Variants in DYRK1A observed in about 807,000 individuals in gnomAD.
The protein encoded by DYRK1A is dual specificity tyrosine-phosphorylation-regulated kinase 1A.
Under a neutral mutation model 79.7 loss-of-function variants are expected in DYRK1A, and 9 were observed. That is an observed-to-expected ratio of 0.11 (90% CI 0.07 to 0.20). DYRK1A has a LOEUF of 0.20. Ranked by LOEUF, DYRK1A falls within the 10% of genes least tolerant of loss-of-function variation. DYRK1A has a pLI of 1.00. For missense variants in DYRK1A, 622 were observed against 956.0 expected (o/e 0.65, Z 4.61); for synonymous variants, 349 against 329.7 (o/e 1.06, Z -0.63).
intron 1 of DYRK1A, among the ~76,000 whole-genome samples, chr21:37,404,418 T>C (rs1569295963): frequency 6.6e-6 from 1 of 152,182 alleles, no homozygotes; most frequent in Non-Finnish European, 1.5e-5. Context: ...CTCTAAGTAA[T>C]CATTCTGTGG....
Position 37,395,383 on chromosome 21 carries a change from A to G in DYRK1A, c.-76-24916A>G, listed in dbSNP as rs549562058. ...GGTGTAAGGATTGTTATTGGGGAGT[A>G]TATATTCAGGGCAGCTTGAATCTGT... On this transcript the variant is annotated intron_variant, in intron 1 of 11. Transcript: ENST00000647188. 3.9e-5 allele frequency among the ~76,000 whole-genome samples: 6 copies of G among 152,254 alleles called. No individual in the cohort carries two copies. In the South Asian group the frequency reaches 1.0e-3, roughly 26 times the overall value.
chr21:37,427,339 ACTG>A (rs1254025170), intron 2 of DYRK1A, among the ~76,000 whole-genome samples: 1 of 152,144 alleles, frequency 6.6e-6, no homozygotes, highest in Non-Finnish European at 1.5e-5. Context: ...CTGGTTTTGA[ACTG>A]CTGAAGACCA....
At chr21:37,370,536 G>A (rs915599004) in intron 1 of DYRK1A, among the ~76,000 whole-genome samples, 1 of 152,070 alleles carries the variant, frequency 6.6e-6, no homozygotes, top group Non-Finnish European at 1.5e-5. Context: ...TCTTTGCTTT[G>A]GCATTAGCTT....
intron 1 of DYRK1A, among the ~76,000 whole-genome samples, chr21:37,405,564 T>G (rs1490997706): frequency 6.6e-6 from 1 of 152,192 alleles, no homozygotes; most frequent in East Asian, 1.9e-4. Context: ...ACTTTTTTAA[T>G]GTGGATCTAG....
intron 2 of DYRK1A, among the ~76,000 whole-genome samples, chr21:37,442,890 A>G (rs1177380884): frequency 6.6e-6 from 1 of 152,190 alleles, no homozygotes; most frequent in African/African-American, 2.4e-5. Context: ...CCTGGAGTGC[A>G]GTGGTGCTTT....
intron 2 of DYRK1A, among the ~76,000 whole-genome samples, chr21:37,458,268 C>CTCTGTGTGTGTGTGTG (rs10635582): frequency 7.7e-6 from 1 of 130,484 alleles, no homozygotes; most frequent in Non-Finnish European, 1.6e-5. Context: ...GGGTAATTTA[C>CTCTGTGTGTGTGTGTG]TGTGTGTGTG....
chr21:37,484,123 T>G (rs1275958879), intron 5 of DYRK1A, among the ~76,000 whole-genome samples: 1 of 152,086 alleles, frequency 6.6e-6, no homozygotes, highest in African/African-American at 2.4e-5. Context: ...AATTGTGAAC[T>G]GTGCATGCGA....
In DYRK1A at chr21:37,524,841, A is replaced by G. The variant is rs987681692; in HGVS notation, c.*12310A>G. The stretch of plus-strand genomic sequence containing the variant: ...TGGTCAGGTGTGGCGGCTCATGCCT[A>G]TAGTCCCAACACTTTGGGAGGCCAA... On this transcript the variant is annotated 3_prime_UTR_variant, in exon 12 of 12. Coordinates refer to ENST00000647188, the MANE Select transcript of DYRK1A (RefSeq NM_001347721.2). 1 of 152,290 alleles carries G rather than the reference A, an allele frequency of 6.6e-6. No homozygotes were observed. The highest frequency in any genetic ancestry group is 1.5e-5 in the Non-Finnish European group (1 of 68,096). 9.4% of individuals were successfully genotyped at this position (152,290 alleles called of 1,614,324 possible).
chr21:37,443,225 C>A (rs1251696464), intron 2 of DYRK1A, among the ~76,000 whole-genome samples: 1 of 152,024 alleles, frequency 6.6e-6, no homozygotes, highest in East Asian at 1.9e-4. Context: ...TCATAACTTA[C>A]TGCAACCTTC....
At chr21:37,510,710 C>T (rs1280615118) in intron 11 of DYRK1A, among the ~76,000 whole-genome samples, 1 of 152,012 alleles carries the variant, frequency 6.6e-6, no homozygotes, top group African/African-American at 2.4e-5. Context: ...TGATCTCCTA[C>T]CATCTTGTGG....
intron 1 of DYRK1A, among the ~76,000 whole-genome samples, chr21:37,369,556 C>T (rs538251619): frequency 6.6e-6 from 1 of 152,340 alleles, no homozygotes; most frequent in East Asian, 1.9e-4. Context: ...TCAATGTCTA[C>T]ACCTAGTTCT....
At chr21:37,378,639 C>T (rs1044158798) in intron 1 of DYRK1A, among the ~76,000 whole-genome samples, 13 of 152,158 alleles carry the variant, frequency 8.5e-5, no homozygotes, top group Admixed American at 1.3e-4. Context: ...AAAGGGGGCT[C>T]TTGTTCTTCT....
intron 2 of DYRK1A, among the ~76,000 whole-genome samples, chr21:37,448,884 G>A (rs899630905): frequency 6.6e-6 from 1 of 152,112 alleles, no homozygotes; most frequent in African/African-American, 2.4e-5. Context: ...TTTTTGTGGA[G>A]ATGAGGTTTC....
chr21:37,405,753 C>G (rs183997623), intron 1 of DYRK1A, among the ~76,000 whole-genome samples: 1 of 152,052 alleles, frequency 6.6e-6, no homozygotes, highest in African/African-American at 2.4e-5. Flanking sequence ...ATGGTGTGTG[C>G]GTAGTCATAC....
At chr21:37,490,777 A>C (rs2053063987) in intron 7 of DYRK1A, among the ~76,000 whole-genome samples, 1 of 151,968 alleles carries the variant, frequency 6.6e-6, no homozygotes, top group Non-Finnish European at 1.5e-5. Context: ...GTCAAAAGAC[A>C]TTGATTTTTT....
At chr21:37,429,890 C>A (rs894407301) in intron 2 of DYRK1A, among the ~76,000 whole-genome samples, 1 of 152,152 alleles carries the variant, frequency 6.6e-6, no homozygotes, top group Non-Finnish European at 1.5e-5. Context: ...TTTTAAAATT[C>A]TTCTCTTGGT....
chr21:37,457,041 T>C (rs8133381), intron 2 of DYRK1A, among the ~76,000 whole-genome samples: 7,082 of 46,072 alleles, frequency 0.15, 195 homozygotes, highest in Middle Eastern at 0.23. Context: ...TACTTACTTA[T>C]TTATTTATTT....
chr21:37,437,887 TGTG>T (rs2050973035), intron 2 of DYRK1A, among the ~76,000 whole-genome samples: 1 of 152,222 alleles, frequency 6.6e-6, no homozygotes, highest in Admixed American at 6.5e-5. Flanking sequence ...GACTCAATCA[TGTG>T]GTGGGTATAT....
intron 11 of DYRK1A, among the ~76,000 whole-genome samples, chr21:37,508,658 C>T (rs768138954): frequency 3.1e-4 from 47 of 152,008 alleles, no homozygotes; most frequent in Non-Finnish European, 5.9e-5. Context: ...ATTATCAAGG[C>T]GTCGGTGCTT....
Sources: allele counts gnomAD v4.1 joint callset (sites outside exome capture counted in the v4.1 genomes callset), GRCh38; gene constraint gnomAD v4.1.1; transcripts MANE v1.5; gene names NCBI Gene and HGNC (gene_info 2026-07-23, HGNC 2026-07-21).